The following EPS8 variants were observed in gnomAD, a reference collection of about 807,000 sequenced individuals.
EPS8 encodes the protein EGFR pathway substrate 8, signaling adaptor.
Under a neutral mutation model 103.8 loss-of-function variants are expected in EPS8, and 42 were observed. The ratio of observed to expected loss-of-function variants is 0.40; its 90% CI spans 0.32 to 0.52. The LOEUF (loss-of-function observed/expected upper bound fraction) is 0.52. Among genes scored for constraint, EPS8 ranks in the 20% least tolerant of loss-of-function variants. The pLI, the probability that EPS8 is intolerant of heterozygous loss-of-function variation, is 0.40. For missense variants in EPS8, 969 were observed against 1,005.1 expected (o/e 0.96, Z 0.49); for synonymous variants, 344 against 344.6 (o/e 1.00, Z 0.02).
chr12:15,719,739 C>G (rs192101833), intron 1 of EPS8, among the ~76,000 whole-genome samples: 1 of 152,284 alleles, frequency 6.6e-6, no homozygotes, highest in East Asian at 1.9e-4. Context: ...TTAAGGATCC[C>G]TTTCAAGTTT....
chr12:15,661,961 T>C, intron 9 of EPS8, 65 bp downstream of exon 9: 1 of 1,170,868 alleles, frequency 8.5e-7, no homozygotes, highest in Non-Finnish European at 1.3e-6. Flanking sequence ...CTTCATTTTC[T>C]TATGAAGTTT....
rs190628203 is a variant in EPS8, at chr12:15,721,873, A to G, written c.-21-38901T>C. Among the ~76,000 whole-genome samples the G allele has an allele frequency of 8.4e-4, 127 of 151,926 alleles. No individual in the cohort carries two copies. The highest frequency in any genetic ancestry group is 2.9e-3 in the African/African-American group (122 of 41,532). ...CCATGGCAGAAAGTTAGAACATACA[A>G]AACTATTTTAAGAACAAAAATCATG... On this transcript the variant is annotated intron_variant, in intron 1 of 20. Transcript: ENST00000281172. The surrounding 1 kb of genome is among the most constrained non-coding windows in gnomAD (Gnocchi z 4.4).
chr12:15,709,680 C>A (rs1946435052), intron 1 of EPS8, among the ~76,000 whole-genome samples: 1 of 152,162 alleles, frequency 6.6e-6, no homozygotes, highest in Admixed American at 6.5e-5. Flanking sequence ...TTTGGAATGC[C>A]AGGCCAGAGC....
intron 1 of EPS8, among the ~76,000 whole-genome samples, chr12:15,711,661 A>G (rs1946466725): frequency 1.3e-5 from 2 of 152,236 alleles, no homozygotes; most frequent in Admixed American, 6.5e-5. Context: ...GTAAGAATAT[A>G]CCAGGCCATA....
chr12:15,662,317 C>A, intron 8 of EPS8: 1 of 1,296,230 alleles, frequency 7.7e-7, no homozygotes, highest in East Asian at 3.0e-5. Context: ...GTCCTCTCAA[C>A]TTTATGATGT....
chr12:15,739,787 C>CCCAT (rs1296335679), intron 1 of EPS8, among the ~76,000 whole-genome samples: 1 of 152,136 alleles, frequency 6.6e-6, no homozygotes, highest in Non-Finnish European at 1.5e-5. Context: ...CATCCATCCA[C>CCCAT]CCATCCATCC....
chr12:15,783,818 T>C (rs2136058107), intron 1 of EPS8, among the ~76,000 whole-genome samples: 1 of 152,126 alleles, frequency 6.6e-6, no homozygotes, highest in South Asian at 2.1e-4. Context: ...TTCTAAGTCA[T>C]TTCTCAACTG....
chr12:15,697,606 C>T lies in EPS8; in HGVS notation c.-21-14634G>A, dbSNP rs376401509. 2.0e-5 allele frequency among the ~76,000 whole-genome samples: 3 copies of T among 152,202 alleles called. No homozygotes were observed. The highest frequency in any genetic ancestry group is 2.1e-4 in the South Asian group (1 of 4,834). ...GTAGATGTGGGATAAAATTCAACCACTTTGCCACATAGAGGAAAATAATGG... is the reference window on the plus strand; with the variant it reads ...GTAGATGTGGGATAAAATTCAACCATTTTGCCACATAGAGGAAAATAATGG... On this transcript the variant is annotated intron_variant, in intron 1 of 20. Coordinates refer to ENST00000281172, the MANE Select transcript of EPS8 (RefSeq NM_004447.6). This position sits in a 1 kb window ranked among gnomAD's most constrained non-coding sequence, Gnocchi z 5.6.
chr12:15,662,717 T>G (rs1368003325), intron 8 of EPS8: 7 of 846,386 alleles, frequency 8.3e-6, no homozygotes, highest in Non-Finnish European at 9.5e-6. Flanking sequence ...GGCTACAGCA[T>G]GATGTTAATC....
At position 15,623,224 on chromosome 12, in the gene EPS8, C is replaced by G; in HGVS notation, c.2289G>C (p.Leu763=). ...AQLFSLNKDE[L]RTVCPEGARV... is the part of the protein sequence containing the mutation. ...TCGCCCCTTCAGGGCAGACTGTCCT[C>G]AGTTCATCCTTATTGAGAGAGAAAA... Residue 763 remains leucine (L), a synonymous_variant, in exon 20 of 21, where the codon CTG becomes CTC. Transcript: ENST00000281172. 6.2e-7 allele frequency: 1 copy of G among 1,613,214 alleles called. No individual in the cohort carries two copies. The highest frequency in any genetic ancestry group is 1.1e-5 in the South Asian group (1 of 91,022).
Position 15,701,879 on chromosome 12 carries a change from G to C in EPS8, c.-21-18907C>G, listed in dbSNP as rs1313677887. On this transcript the variant is annotated intron_variant, in intron 1 of 20. Coordinates refer to ENST00000281172, the MANE Select transcript of EPS8 (RefSeq NM_004447.6). The surrounding 1 kb of genome is among the most constrained non-coding windows in gnomAD (Gnocchi z 5.1). ...GGGATCTTGCTGTTTGTTTCCTCTT[G>C]AGTAATCTAGACTAAAAAGAGTTCA... Among the ~76,000 whole-genome samples the C allele has an allele frequency of 3.3e-5, 5 of 152,080 alleles. No individual in the cohort carries two copies. In the East Asian group the frequency reaches 5.8e-4, roughly 18 times the overall value.
In EPS8 at chr12:15,647,111, G is replaced by A; in HGVS notation, c.1568+16C>T. On this transcript the variant is annotated intron_variant, in intron 15 of 20. Transcript: ENST00000281172. ...ATTTATCCACAGCTCTCCAAAGGGTGCCCATTAAATGTTACCTATCTATAT... is the reference window on the plus strand; with the variant it reads ...ATTTATCCACAGCTCTCCAAAGGGTACCCATTAAATGTTACCTATCTATAT... The A allele has an allele frequency of 6.2e-7, 1 of 1,609,422 alleles. No individual in the cohort carries two copies. The highest frequency in any genetic ancestry group is 8.5e-7 in the Non-Finnish European group (1 of 1,177,670).
In EPS8 at chr12:15,752,776, A is replaced by G. The variant is rs1488824003; in HGVS notation, c.-22+36385T>C. On this transcript the variant is annotated intron_variant, in intron 1 of 20. Coordinates refer to ENST00000281172, the MANE Select transcript of EPS8 (RefSeq NM_004447.6). The surrounding 1 kb of genome is among the most constrained non-coding windows in gnomAD (Gnocchi z 4.4). ...AAATAGTAGGAAAATTAATTGTAATAACAGTAATAATTGTAATGCCTCTTT... is the reference window on the plus strand; with the variant it reads ...AAATAGTAGGAAAATTAATTGTAATGACAGTAATAATTGTAATGCCTCTTT... 6.6e-6 allele frequency among the ~76,000 whole-genome samples: 1 copy of G among 152,156 alleles called. No homozygotes were observed. Among genetic ancestry groups the G allele is most frequent in the Non-Finnish European group, 1.5e-5 (1 of 68,038 alleles).
chr12:15,699,647 C>A (rs530998098), intron 1 of EPS8, among the ~76,000 whole-genome samples: 1 of 152,124 alleles, frequency 6.6e-6, no homozygotes, highest in Non-Finnish European at 1.5e-5. Context: ...GTGTACCATT[C>A]GAGGCTCGAC....
rs776823939 is a variant in EPS8, at chr12:15,704,076, G to C, written c.-21-21104C>G. Among the ~76,000 whole-genome samples, 6 of 151,978 alleles carry C rather than the reference G, an allele frequency of 3.9e-5. No homozygotes were observed. Among genetic ancestry groups the C allele is most frequent in the Non-Finnish European group, 8.8e-5 (6 of 67,978 alleles). On this transcript the variant is annotated intron_variant, in intron 1 of 20. Coordinates refer to ENST00000281172, the MANE Select transcript of EPS8 (RefSeq NM_004447.6). This position sits in a 1 kb window ranked among gnomAD's most constrained non-coding sequence, Gnocchi z 4.6. ...AGAAAGTTCATTGTAAAATTCCAAAGACTGTAAGAATAGAGGGTTTTCCTG... is the reference window on the plus strand; with the variant it reads ...AGAAAGTTCATTGTAAAATTCCAAACACTGTAAGAATAGAGGGTTTTCCTG...
At chr12:15,678,172 A>T (rs1249359121) in intron 3 of EPS8, among the ~76,000 whole-genome samples, 2 of 150,938 alleles carry the variant, frequency 1.3e-5, no homozygotes, top group Non-Finnish European at 3.0e-5. Context: ...AAAGCTACCT[A>T]AAAAAAAACT....
chr12:15,623,335 T>C, intron 19 of EPS8, 48 bp from the exon 20 acceptor site: 1 of 1,537,992 alleles, frequency 6.5e-7, no homozygotes, highest in Non-Finnish European at 8.8e-7. Context: ...AAATATTGCC[T>C]ACAAACAAAG....
intron 3 of EPS8, 25 bp downstream of exon 3, chr12:15,681,201 T>C (rs1482674390): frequency 3.1e-6 from 4 of 1,276,490 alleles, no homozygotes; most frequent in Non-Finnish European, 4.4e-6. Flanking sequence ...AACAAAATTA[T>C]ACCCTATCAA....
At position 15,761,514 on chromosome 12, in the gene EPS8, A is replaced by G. The variant is rs955292374; in HGVS notation, c.-22+27647T>C. On this transcript the variant is annotated intron_variant, in intron 1 of 20. Coordinates refer to ENST00000281172, the MANE Select transcript of EPS8 (RefSeq NM_004447.6). The surrounding 1 kb of genome is among the most constrained non-coding windows in gnomAD (Gnocchi z 4.5). ...CAAAAAGAACAAAACTGGAAGAATC[A>G]CATTACCTGATTTCAAATTATACTA... Among the ~76,000 whole-genome samples the G allele has an allele frequency of 6.6e-6, 1 of 152,178 alleles. No individual in the cohort carries two copies. Among genetic ancestry groups the G allele is most frequent in the African/African-American group, 2.4e-5 (1 of 41,458 alleles).
Sources: gnomAD v4.1 joint callset for allele counts (sites outside exome capture counted in the v4.1 genomes callset) on GRCh38, gnomAD v4.1.1 for gene constraint, Gnocchi (gnomAD v3.1) non-coding constraint, MANE v1.5 for transcripts, NCBI Gene and HGNC (gene_info 2026-07-23, HGNC 2026-07-21) for gene names.